Variants in EXOC6B observed in about 807,000 individuals in gnomAD.
The protein encoded by EXOC6B is SEC15 homolog B.
Under a neutral mutation model 113.5 loss-of-function variants are expected in EXOC6B, and 54 were observed. That is an observed-to-expected ratio of 0.48 (90% CI 0.38 to 0.60). The LOEUF is 0.60. Ranked by LOEUF, EXOC6B falls within the 20% of genes least tolerant of loss-of-function variation. EXOC6B has a pLI of 0.00. For missense variants in EXOC6B, 797 were observed against 977.5 expected, an observed-to-expected ratio of 0.82 and a Z score of 2.46; for synonymous variants, 357 against 339.0, an observed-to-expected ratio of 1.05 and a Z score of -0.58.
At position 72,379,717 on chromosome 2, in the gene EXOC6B, T is replaced by C; in HGVS notation, c.2122+12A>G. On this transcript the variant is annotated intron_variant, in intron 19 of 21. Transcript: ENST00000272427. Reference sequence around the variant, plus strand: ...GTAAGATAAACAAGCACAGGGATGGTCACTGTCTTACGTTCACATTCTCTG... The same window carrying C: ...GTAAGATAAACAAGCACAGGGATGGCCACTGTCTTACGTTCACATTCTCTG... 6.2e-7 allele frequency: 1 copy of C among 1,602,816 alleles called. No individual in the cohort carries two copies. The highest frequency in any genetic ancestry group is 8.5e-7 in the Non-Finnish European group (1 of 1,173,086).
intron 8 of EXOC6B, among the ~76,000 whole-genome samples, chr2:72,557,289 CCGG>C (rs1455075015): frequency 0.02 from 159 of 7,784 alleles, no homozygotes; most frequent in Middle Eastern, 0.12. Context: ...AAAATAAAAT[CCGG>C]GGGGGGGGGG....
intron 19 of EXOC6B, among the ~76,000 whole-genome samples, chr2:72,354,872 T>C (rs888806373): frequency 6.6e-6 from 1 of 152,258 alleles, no homozygotes; most frequent in Non-Finnish European, 1.5e-5. Flanking sequence ...TTGTACTGCC[T>C]ATTTTTGATG....
In EXOC6B at chr2:72,319,588, A is replaced by G. The variant is rs369858487; in HGVS notation, c.2196+15359T>C. Among the ~76,000 whole-genome samples the G allele has an allele frequency of 5.9e-5, 9 of 152,378 alleles. No homozygotes were observed. The South Asian group carries it at 1.9e-3, about 32-fold the overall frequency. Reference sequence around the variant, plus strand: ...GTACAAAAACCAATTGTATATTTCTATATATTTGGAATGAACAATTAAACA... The same window carrying G: ...GTACAAAAACCAATTGTATATTTCTGTATATTTGGAATGAACAATTAAACA... On this transcript the variant is annotated intron_variant, in intron 20 of 21. Coordinates refer to ENST00000272427, the MANE Select transcript of EXOC6B (RefSeq NM_015189.3).
In EXOC6B at chr2:72,560,567, T is replaced by C. The variant is rs367983390; in HGVS notation, c.847-1046A>G. On this transcript the variant is annotated intron_variant, in intron 7 of 21. Coordinates refer to ENST00000272427, the MANE Select transcript of EXOC6B (RefSeq NM_015189.3). ...GCATAGCTTCTTTACCAAGATACTT[T>C]TCTTAATGAAATCTACTAATTCTAA... 1.4e-4 allele frequency among the ~76,000 whole-genome samples: 22 copies of C among 152,224 alleles called. 2 individuals carry two copies. The highest frequency in any genetic ancestry group is 4.6e-4 in the African/African-American group (19 of 41,570).
intron 8 of EXOC6B, 36 bp downstream of exon 8, chr2:72,559,417 G>T (rs760696996): frequency 6.1e-5 from 87 of 1,424,010 alleles, no homozygotes; most frequent in Non-Finnish European, 7.1e-5. Flanking sequence ...GAACTCAATG[G>T]ACATCTTTAT....
intron 8 of EXOC6B, among the ~76,000 whole-genome samples, chr2:72,556,871 T>C (rs1014919759): frequency 1.3e-5 from 2 of 151,790 alleles, no homozygotes; most frequent in Admixed American, 1.3e-4. Context: ...TGGTGACAAA[T>C]TGTGAAAAAA....
At position 72,631,574 on chromosome 2, in the gene EXOC6B, T is replaced by C. The variant is rs554580872; in HGVS notation, c.670-55906A>G. On this transcript the variant is annotated intron_variant, in intron 6 of 21. Coordinates refer to ENST00000272427, the MANE Select transcript of EXOC6B (RefSeq NM_015189.3). ...GGCTGGAGTACAATGGCACGATCAC[T>C]GCTTACTGAAGCCTTGACTTCCTGG... 1.4e-4 allele frequency among the ~76,000 whole-genome samples: 21 copies of C among 150,774 alleles called. No individual in the cohort carries two copies. The South Asian group carries it at 4.0e-3, about 29-fold the overall frequency.
intron 18 of EXOC6B, among the ~76,000 whole-genome samples, chr2:72,439,557 T>G (rs533396447): frequency 6.6e-6 from 1 of 152,352 alleles, no homozygotes; most frequent in East Asian, 1.9e-4. Context: ...GGTGTGTTTT[T>G]CAGCTCTGTC....
At chr2:72,273,065 A>G (rs925298496) in intron 20 of EXOC6B, among the ~76,000 whole-genome samples, 4 of 152,162 alleles carry the variant, frequency 2.6e-5, no homozygotes, top group Admixed American at 1.3e-4. Flanking sequence ...GTGATAAACT[A>G]TAATGGCAAT....
chr2:72,576,857 A>G (rs1169766865), intron 6 of EXOC6B, among the ~76,000 whole-genome samples: 1 of 152,164 alleles, frequency 6.6e-6, no homozygotes, highest in African/African-American at 2.4e-5. Flanking sequence ...ACAAAGCTTG[A>G]GAATGTGACC....
intron 11 of EXOC6B, among the ~76,000 whole-genome samples, chr2:72,506,514 T>C (rs900156120): frequency 1.3e-5 from 2 of 152,174 alleles, no homozygotes; most frequent in Non-Finnish European, 2.9e-5. Context: ...TTAACCTATC[T>C]ATCTACTTAT....
intron 6 of EXOC6B, among the ~76,000 whole-genome samples, chr2:72,704,940 T>A (rs1460277055): frequency 7.9e-5 from 12 of 151,432 alleles, no homozygotes; most frequent in African/African-American, 2.4e-4. Context: ...ACTATTCCAA[T>A]CAATAGAAAA....
chr2:72,266,553 T>A (rs1422516350), intron 20 of EXOC6B, among the ~76,000 whole-genome samples: 1 of 151,968 alleles, frequency 6.6e-6, no homozygotes. Context: ...TTGTCAAAGA[T>A]CAGATAGTTG....
chr2:72,255,834 G>C (rs1683322389), intron 20 of EXOC6B, among the ~76,000 whole-genome samples: 1 of 152,170 alleles, frequency 6.6e-6, no homozygotes, highest in Non-Finnish European at 1.5e-5. Flanking sequence ...CTGGGGATGT[G>C]GGGAAAGGCT....
At chr2:72,669,515 C>A (rs924377861) in intron 6 of EXOC6B, among the ~76,000 whole-genome samples, 1 of 152,022 alleles carries the variant, frequency 6.6e-6, no homozygotes, top group African/African-American at 2.4e-5. Flanking sequence ...TCAATATCAC[C>A]AACTACTTAA....
intron 20 of EXOC6B, among the ~76,000 whole-genome samples, chr2:72,185,351 G>C (rs1262797119): frequency 1.3e-5 from 2 of 152,274 alleles, no homozygotes; most frequent in African/African-American, 4.8e-5. Context: ...TGTCTTCACT[G>C]TGCAGCTGGG....
intron 17 of EXOC6B, among the ~76,000 whole-genome samples, chr2:72,466,324 G>A (rs1342621237): frequency 1.4e-5 from 2 of 142,056 alleles, no homozygotes; most frequent in African/African-American, 2.6e-5. Flanking sequence ...CAGCCTGGGC[G>A]ACAGAGCAAG....
chr2:72,630,355 A>G (rs1224922699), intron 6 of EXOC6B, among the ~76,000 whole-genome samples: 1 of 152,202 alleles, frequency 6.6e-6, no homozygotes, highest in Non-Finnish European at 1.5e-5. Flanking sequence ...CAGGTTGTCA[A>G]TATCTCTTAA....
In EXOC6B at chr2:72,335,048, C is replaced by T. The variant is rs183996739; in HGVS notation, c.2123-28G>A. ...GTGGGAAAGAAAAGAGGATAAAAAG[C>T]GCCTTTAACTAACCATGGACAGGGA... On this transcript the variant is annotated intron_variant, in intron 19 of 21. Transcript: ENST00000272427. The T allele has an allele frequency of 1.3e-4, 211 of 1,603,944 alleles. No individual in the cohort carries two copies. The African/African-American group carries it at 1.5e-3, about 11-fold the overall frequency.
Sources: gnomAD v4.1 joint callset for allele counts (sites outside exome capture counted in the v4.1 genomes callset) on GRCh38, gnomAD v4.1.1 for gene constraint, MANE v1.5 for transcripts, NCBI Gene and HGNC (gene_info 2026-07-23, HGNC 2026-07-21) for gene names.